The following PTPRT variants were observed in gnomAD, a reference collection of about 807,000 sequenced individuals.
PTPRT encodes receptor-type tyrosine-protein phosphatase T.
In PTPRT, 56 loss-of-function variants were observed where a neutral mutation model predicts 176.8. The ratio of observed to expected loss-of-function variants is 0.32; its 90% CI spans 0.26 to 0.40. The LOEUF is 0.40. PTPRT is among the 10% of genes least tolerant of loss of function. The pLI is 1.00. For synonymous variants in PTPRT, 783 were observed against 739.0 expected (o/e 1.06, Z -0.96); for missense variants, 1,540 against 1,908.2 (o/e 0.81, Z 3.60).
chr20:42,681,654 A>T (rs777412556), intron 6 of PTPRT, among the ~76,000 whole-genome samples: 6 of 152,184 alleles, frequency 3.9e-5, no homozygotes, highest in Non-Finnish European at 7.4e-5. Context: ...AGGCACAGAC[A>T]CAATCTTGGC....
chr20:43,084,523 G>C (rs1440717210), intron 1 of PTPRT, among the ~76,000 whole-genome samples: 1 of 152,110 alleles, frequency 6.6e-6, no homozygotes, highest in Non-Finnish European at 1.5e-5. Context: ...GAACAGCATG[G>C]GGGAAACCGC....
chr20:42,754,494 G>T (rs1374172084), intron 6 of PTPRT, among the ~76,000 whole-genome samples: 1 of 152,018 alleles, frequency 6.6e-6, no homozygotes, highest in East Asian at 1.9e-4. Context: ...GGCCAGGCTG[G>T]TCTCGAACTC....
At chr20:42,818,137 T>G (rs943092894) in intron 2 of PTPRT, among the ~76,000 whole-genome samples, 1 of 152,104 alleles carries the variant, frequency 6.6e-6, no homozygotes, top group African/African-American at 2.4e-5. Flanking sequence ...CTGGTGCCCC[T>G]CGAGGTCAGA....
At chr20:42,905,544 T>G (rs915444734) in intron 1 of PTPRT, among the ~76,000 whole-genome samples, 5 of 152,350 alleles carry the variant, frequency 3.3e-5, no homozygotes, top group African/African-American at 1.2e-4. Flanking sequence ...AAATACCATT[T>G]GACCCAGCCA....
chr20:43,091,471 T>TTCTC lies in PTPRT; in HGVS notation c.88+98171_88+98174dup, dbSNP rs137874026. ...CTCTCTCTCTCTCTCCCCCCTCTCTTTCTCTCTCTCTCTCTCTCTATTTCT... is the reference window on the plus strand; with the variant it reads ...CTCTCTCTCTCTCTCCCCCCTCTCTTTCTCTCTCTCTCTCTCTCTCTCTATTTCT... On this transcript the variant is annotated intron_variant, in intron 1 of 30. Transcript: ENST00000373187. Among the ~76,000 whole-genome samples the TTCTC allele has an allele frequency of 4.7e-3, 509 of 107,796 alleles. 14 individuals are homozygous for TTCTC. Among genetic ancestry groups the TTCTC allele is most frequent in the Middle Eastern group, 0.016 (3 of 182 alleles). The allele number at this position is 107,796 out of a possible 152,430, so 70.7% of individuals were successfully genotyped here.
At chr20:43,183,542 T>C (rs2015318360) in intron 1 of PTPRT, among the ~76,000 whole-genome samples, 1 of 152,346 alleles carries the variant, frequency 6.6e-6, no homozygotes, top group South Asian at 2.1e-4. Flanking sequence ...GTCCATAAAA[T>C]TTCATCCATC....
chr20:42,196,572 C>T (rs1568662234), intron 16 of PTPRT, among the ~76,000 whole-genome samples: 1 of 152,136 alleles, frequency 6.6e-6, no homozygotes, highest in African/African-American at 2.4e-5. Flanking sequence ...CTTATTCCTC[C>T]TAGCTACCTG....
At chr20:42,269,437 C>G (rs1050877711) in intron 13 of PTPRT, among the ~76,000 whole-genome samples, 6 of 152,158 alleles carry the variant, frequency 3.9e-5, no homozygotes, top group Non-Finnish European at 8.8e-5. Context: ...AGAGAGGTGA[C>G]AGTTAAAGGT....
chr20:42,918,884 C>T (rs146426092), intron 1 of PTPRT, among the ~76,000 whole-genome samples: 150 of 152,308 alleles, frequency 9.8e-4, no homozygotes, highest in Middle Eastern at 3.4e-3. Context: ...GCCCTAAACA[C>T]AGCCTGTCTC....
intron 7 of PTPRT, among the ~76,000 whole-genome samples, chr20:42,611,363 G>A (rs1479564456): frequency 6.6e-6 from 1 of 152,148 alleles, no homozygotes; most frequent in African/African-American, 2.4e-5. Flanking sequence ...CCATCCTACT[G>A]GGTGGGGAGG....
At chr20:42,732,543 G>A (rs1319796257) in intron 6 of PTPRT, among the ~76,000 whole-genome samples, 1 of 152,216 alleles carries the variant, frequency 6.6e-6, no homozygotes, top group Non-Finnish European at 1.5e-5. Context: ...CATCTAACAT[G>A]AGCTTTGAAG....
intron 11 of PTPRT, among the ~76,000 whole-genome samples, chr20:42,322,738 CAA>C (rs1316133067): frequency 6.6e-6 from 1 of 151,916 alleles, no homozygotes; most frequent in African/African-American, 2.4e-5. Context: ...GCAATGGCAA[CAA>C]AAGCCAAAAT....
intron 1 of PTPRT, among the ~76,000 whole-genome samples, chr20:43,079,408 T>C (rs6016946): frequency 0.61 from 91,944 of 151,924 alleles, 28,241 homozygotes; most frequent in East Asian, 0.75. Context: ...ATACAAATGT[T>C]AGGATGTCTT....
intron 7 of PTPRT, among the ~76,000 whole-genome samples, chr20:42,488,514 T>C (rs1415896841): frequency 6.6e-6 from 1 of 152,228 alleles, no homozygotes; most frequent in East Asian, 1.9e-4. Flanking sequence ...TTTCTTCCTA[T>C]ATTTTTCAGC....
At chr20:42,744,964 AGG>A (rs564573818) in intron 6 of PTPRT, among the ~76,000 whole-genome samples, 118 of 152,316 alleles carry the variant, frequency 7.7e-4, no homozygotes, top group African/African-American at 2.8e-3. Flanking sequence ...ATCCTATGGA[AGG>A]GAGGCACATG....
chr20:42,180,874 T>C (rs1771906444), intron 16 of PTPRT, among the ~76,000 whole-genome samples: 1 of 152,188 alleles, frequency 6.6e-6, no homozygotes, highest in African/African-American at 2.4e-5. Flanking sequence ...AGTAGTAGGA[T>C]CATATGCAAG....
chr20:42,558,720 C>T (rs558362248), intron 7 of PTPRT, among the ~76,000 whole-genome samples: 11 of 152,248 alleles, frequency 7.2e-5, no homozygotes, highest in African/African-American at 1.9e-4. Flanking sequence ...CCCATCAGTA[C>T]CGGCTTAGAG....
chr20:42,876,708 C>A (rs1035931287), intron 2 of PTPRT, among the ~76,000 whole-genome samples: 1 of 152,180 alleles, frequency 6.6e-6, no homozygotes, highest in Admixed American at 6.5e-5. Context: ...TTTCCCAACA[C>A]GAATAACTTT....
chr20:42,916,570 C>T (rs746149240), intron 1 of PTPRT, among the ~76,000 whole-genome samples: 4 of 152,340 alleles, frequency 2.6e-5, no homozygotes, highest in East Asian at 3.9e-4. Context: ...AACTAGTTTA[C>T]AGTCCCACCA....
Sources: allele counts gnomAD v4.1 joint callset (sites outside exome capture counted in the v4.1 genomes callset), GRCh38; gene constraint gnomAD v4.1.1; transcripts MANE v1.5; gene names NCBI Gene and HGNC (gene_info 2026-07-23, HGNC 2026-07-21).